Variants in FAM110B observed in about 807,000 individuals in gnomAD.
FAM110B encodes family with sequence similarity 110 member B, also known as protein FAM110B.
In FAM110B, 6 loss-of-function variants were observed where a neutral mutation model predicts 20.4. That is an observed-to-expected ratio of 0.29 (90% CI 0.16 to 0.58). The LOEUF (loss-of-function observed/expected upper bound fraction) is 0.58. Ranked by LOEUF, FAM110B falls within the 20% of genes least tolerant of loss-of-function variation. The pLI is 0.90. For missense variants in FAM110B, 434 were observed against 498.2 expected, an observed-to-expected ratio of 0.87 and a Z score of 1.23; for synonymous variants, 226 against 214.1, an observed-to-expected ratio of 1.06 and a Z score of -0.49.
At chr8:58,045,216 G>GCAGTGCTGTGTGCATCAGCAGTCAT (rs1464998486) in intron 2 of FAM110B, among the ~76,000 whole-genome samples, 1 of 152,182 alleles carries the variant, frequency 6.6e-6, no homozygotes, top group African/African-American at 2.4e-5. Flanking sequence ...ACTGTTCACA[G>GCAGTGCTGTGTGCATCAGCAGTCAT]CAGTGCTGTG....
intron 3 of FAM110B, among the ~76,000 whole-genome samples, chr8:58,123,420 T>C (rs1170000382): frequency 1.3e-5 from 2 of 152,168 alleles, no homozygotes; most frequent in African/African-American, 4.8e-5. Context: ...TCTGTACACT[T>C]TGTGTCTCTC....
chr8:58,068,753 C>G (rs1334261597), intron 2 of FAM110B, among the ~76,000 whole-genome samples: 1 of 152,084 alleles, frequency 6.6e-6, no homozygotes, highest in Non-Finnish European at 1.5e-5. Flanking sequence ...ACTGCTAATT[C>G]TGTAGAACAC....
chr8:58,120,378 T>C (rs944324532), intron 3 of FAM110B, among the ~76,000 whole-genome samples: 3 of 151,802 alleles, frequency 2.0e-5, no homozygotes, highest in African/African-American at 7.3e-5. Flanking sequence ...ATCCACTTTT[T>C]CGTCTTCCTG....
intron 2 of FAM110B, among the ~76,000 whole-genome samples, chr8:58,043,876 A>G (rs1805267915): frequency 6.6e-6 from 1 of 152,320 alleles, no homozygotes; most frequent in Middle Eastern, 3.4e-3. Flanking sequence ...GGGTCACACA[A>G]GCTAATAAAG....
chr8:58,074,357 C>T (rs1369824432), intron 2 of FAM110B, among the ~76,000 whole-genome samples: 1 of 152,076 alleles, frequency 6.6e-6, no homozygotes, highest in Non-Finnish European at 1.5e-5. Flanking sequence ...TCCACCAATC[C>T]CCCACACTCA....
intron 3 of FAM110B, among the ~76,000 whole-genome samples, chr8:58,107,730 C>A (rs769094517): frequency 1.3e-5 from 2 of 152,188 alleles, no homozygotes; most frequent in South Asian, 2.1e-4. Context: ...GAGAAAGGAA[C>A]CCTGATTACA....
Position 58,113,961 on chromosome 8 carries a change from A to T in FAM110B, c.-324-31946A>T, listed in dbSNP as rs115861828. Among the ~76,000 whole-genome samples, 1,387 of 152,302 alleles carry T rather than the reference A, an allele frequency of 9.1e-3. 28 individuals carry two copies. Among genetic ancestry groups the T allele is most frequent in the African/African-American group, 0.031 (1,300 of 41,562 alleles). ...GGCCTTAAAAGTCTTATGCTTACTT[A>T]CTGTCCTTTGTCCCTTTCTTTTGGT... is the stretch of plus-strand genomic sequence containing the variant. On this transcript the variant is annotated intron_variant, in intron 3 of 3. Transcript: ENST00000519262.
At chr8:58,107,017 G>A (rs1429006217) in intron 3 of FAM110B, among the ~76,000 whole-genome samples, 1 of 152,078 alleles carries the variant, frequency 6.6e-6, no homozygotes, top group Non-Finnish European at 1.5e-5. Context: ...TCATTGCATG[G>A]TTTTGGGTTA....
chr8:58,002,648 C>T (rs1215655299), intron 1 of FAM110B, among the ~76,000 whole-genome samples: 1 of 152,160 alleles, frequency 6.6e-6, no homozygotes, highest in Non-Finnish European at 1.5e-5. Context: ...TAAAGTGAGT[C>T]ACTTGAATTT....
intron 3 of FAM110B, among the ~76,000 whole-genome samples, chr8:58,121,268 A>C (rs1420091687): frequency 6.6e-6 from 1 of 152,222 alleles, no homozygotes; most frequent in East Asian, 1.9e-4. Flanking sequence ...CAATGGTCTC[A>C]CTGATAGAAC....
intron 2 of FAM110B, among the ~76,000 whole-genome samples, chr8:58,035,386 T>A (rs751334290): frequency 1.6e-4 from 24 of 152,256 alleles, no homozygotes; most frequent in Non-Finnish European, 3.2e-4. Context: ...TACTTTGAAC[T>A]AAAGACACAT....
intron 1 of FAM110B, among the ~76,000 whole-genome samples, chr8:58,012,372 A>ACTCTACACC (rs1345966963): frequency 6.6e-6 from 1 of 151,758 alleles, no homozygotes; most frequent in East Asian, 1.9e-4. Context: ...TTGTGTTTAA[A>ACTCTACACC]CTCTACACCG....
At chr8:58,037,712 A>G (rs1356746794) in intron 2 of FAM110B, among the ~76,000 whole-genome samples, 1 of 152,114 alleles carries the variant, frequency 6.6e-6, no homozygotes, top group Non-Finnish European at 1.5e-5. Flanking sequence ...CACGAAAAGT[A>G]TTGTTCACAA....
At chr8:58,094,905 A>C (rs1418379608) in intron 3 of FAM110B, among the ~76,000 whole-genome samples, 1 of 152,142 alleles carries the variant, frequency 6.6e-6, no homozygotes, top group Non-Finnish European at 1.5e-5. Context: ...GTAGGCTATT[A>C]ATTACTGCCT....
At chr8:58,024,866 A>C (rs2150570818) in intron 1 of FAM110B, among the ~76,000 whole-genome samples, 1 of 152,298 alleles carries the variant, frequency 6.6e-6, no homozygotes, top group Admixed American at 6.5e-5. Context: ...ATATTAGCTA[A>C]TCATTTTGGT....
chr8:58,070,051 T>A (rs920894039), intron 2 of FAM110B, among the ~76,000 whole-genome samples: 3 of 152,224 alleles, frequency 2.0e-5, no homozygotes, highest in African/African-American at 7.2e-5. Flanking sequence ...GGCTCTGTGC[T>A]AGCAAACCAG....
At chr8:58,063,605 T>C (rs1175117699) in intron 2 of FAM110B, among the ~76,000 whole-genome samples, 2 of 152,204 alleles carry the variant, frequency 1.3e-5, no homozygotes, top group Admixed American at 1.3e-4. Context: ...AGCATATCAA[T>C]TGAGCATCAT....
At chr8:58,076,597 A>G (rs900684552) in intron 3 of FAM110B, among the ~76,000 whole-genome samples, 5 of 152,216 alleles carry the variant, frequency 3.3e-5, no homozygotes, top group African/African-American at 1.2e-4. Context: ...GGAAAGAGCT[A>G]AGGAAGTGGA....
intron 2 of FAM110B, among the ~76,000 whole-genome samples, chr8:58,040,048 C>T (rs552590843): frequency 6.6e-6 from 1 of 152,140 alleles, no homozygotes; most frequent in South Asian, 2.1e-4. Context: ...GACAGCCTCT[C>T]ACTGTGTTAC....
Sources: gnomAD v4.1 joint callset for allele counts (sites outside exome capture counted in the v4.1 genomes callset) on GRCh38, gnomAD v4.1.1 for gene constraint, MANE v1.5 for transcripts, NCBI Gene and HGNC (gene_info 2026-07-23, HGNC 2026-07-21) for gene names.